The following KIAA1586 variants were observed in gnomAD, a reference collection of about 807,000 sequenced individuals.
KIAA1586 encodes the protein KIAA1586.
KIAA1586 carries 5 observed loss-of-function variants against 6.1 expected under a neutral mutation model. That is an observed-to-expected ratio of 0.82 (90% CI 0.43 to 1.73). The LOEUF (loss-of-function observed/expected upper bound fraction) is 1.73, where lower values mean the gene tolerates loss of function less well. Among genes scored for constraint, KIAA1586 ranks in the 40% most tolerant of loss-of-function variants. KIAA1586 has a pLI of 0.02. For missense variants in KIAA1586, 899 were observed against 878.2 expected (o/e 1.02, Z -0.30); for synonymous variants, 280 against 301.7 (o/e 0.93, Z 0.75).
the KIAA1586 span, among the ~76,000 whole-genome samples, chr6:57,061,466 C>G: frequency 6.6e-6 from 1 of 152,022 alleles, no homozygotes; most frequent in Non-Finnish European, 1.5e-5. Flanking sequence ...AGTCATGGCT[C>G]ACTGCAGCAT....
chr6:57,061,013 C>T, the KIAA1586 span, among the ~76,000 whole-genome samples: 141 of 150,198 alleles, frequency 9.4e-4, no homozygotes, highest in Admixed American at 9.4e-3. Context: ...AGTCTTCGCT[C>T]TGTCACCAGG....
At chr6:57,065,666 T>C in the KIAA1586 span, among the ~76,000 whole-genome samples, 1 of 152,162 alleles carries the variant, frequency 6.6e-6, no homozygotes, top group Non-Finnish European at 1.5e-5. Context: ...TTTTATTTTT[T>C]GCTAGAGACG....
At position 57,054,629 on chromosome 6, in the gene KIAA1586, T is replaced by C. The variant is rs1363706604; in HGVS notation, c.2130T>C (p.Gly710=). The change falls in exon 4 of 4, where the codon GGT becomes GGC. Residue 710 remains glycine (G), a synonymous_variant. Transcript: ENST00000370733. ...IAINSAEAER[G]FNLMNIICTR... Reference sequence around the variant, plus strand: ...TCAATAGTGCTGAAGCTGAAAGGGGTTTCAATTTAATGAACATAATTTGTA... The same window carrying C: ...TCAATAGTGCTGAAGCTGAAAGGGGCTTCAATTTAATGAACATAATTTGTA... 6.3e-7 allele frequency: 1 copy of C among 1,589,684 alleles called. No individual in the cohort carries two copies. Among genetic ancestry groups the C allele is most frequent in the Non-Finnish European group, 8.6e-7 (1 of 1,165,308 alleles).
the KIAA1586 span, among the ~76,000 whole-genome samples, chr6:57,063,795 T>C: frequency 6.6e-6 from 1 of 152,210 alleles, no homozygotes; most frequent in Admixed American, 6.5e-5. Context: ...TATTAACAAT[T>C]TTTATTTTTA....
chr6:57,060,376 C>T, the KIAA1586 span, among the ~76,000 whole-genome samples: 2 of 152,172 alleles, frequency 1.3e-5, no homozygotes, highest in Non-Finnish European at 2.9e-5. Flanking sequence ...TTATATTTCA[C>T]TGGCCAGAAC....
intron 3 of KIAA1586, among the ~76,000 whole-genome samples, chr6:57,051,336 TAA>T (rs1828320323): frequency 1.3e-5 from 2 of 151,686 alleles, no homozygotes; most frequent in African/African-American, 4.9e-5. Flanking sequence ...CACAAGTACA[TAA>T]ATGATCATAT....
In KIAA1586 at chr6:57,050,678, C is replaced by G. The variant is rs1407285071; in HGVS notation, c.106-96C>G. The G allele has an allele frequency of 6.0e-6, 5 of 828,756 alleles. No individual in the cohort carries two copies. The African/African-American group carries it at 8.7e-5, about 14-fold the overall frequency. The allele number at this position is 828,756 out of a possible 1,614,324, so 51.3% of individuals were successfully genotyped here. A position where few individuals can be genotyped will look rare whatever the true frequency, so the allele number is the denominator to read the frequency against. On this transcript the variant is annotated intron_variant, in intron 2 of 3. Transcript: ENST00000370733. ...TGCAAGATTTTCTCGAGAATCTTTC[C>G]CAATTCCAACTAAAAAAATCTCCCA...
chr6:57,058,793 TAAG>T (rs996491840), downstream of KIAA1586, among the ~76,000 whole-genome samples: 28 of 152,286 alleles, frequency 1.8e-4, no homozygotes, highest in African/African-American at 6.5e-4. Flanking sequence ...CTGTAAAAAA[TAAG>T]AAAAAATTTT....
chr6:57,050,936 G>C, intron 3 of KIAA1586, 82 bp downstream of exon 3: 1 of 1,049,320 alleles, frequency 9.5e-7, no homozygotes, highest in South Asian at 1.3e-5. Context: ...TGGATCATAA[G>C]AACTAATTGT....
chr6:57,066,289 A>G, the KIAA1586 span, among the ~76,000 whole-genome samples: 3 of 152,148 alleles, frequency 2.0e-5, no homozygotes, highest in South Asian at 6.2e-4. Context: ...AAAAAAGGAA[A>G]AAAATTCAAA....
rs749646420 is a variant in KIAA1586, at chr6:57,054,264, GA to G, written c.1766del (p.Asp589ValfsTer19). 1 of 1,586,592 alleles carries G rather than the reference GA, an allele frequency of 6.3e-7. No homozygotes were observed. Among genetic ancestry groups the G allele is most frequent in the Non-Finnish European group, 8.6e-7 (1 of 1,168,960 alleles). The stretch of plus-strand genomic sequence containing the variant: ...TTTGATCAAGTCAGATAAGTTTAAA[GA>G]TATTCCATTTAATAAAAACAATAAA... ...EDLIKSDKFK[D>X]IPFNKNNKFN... is the part of the protein sequence containing the mutation. On this transcript the variant is annotated frameshift_variant, in exon 4 of 4. Transcript: ENST00000370733. LOFTEE classifies it low-confidence loss of function (END_TRUNC).
Position 57,051,837 on chromosome 6 carries a change from C to G in KIAA1586, c.187-849C>G, listed in dbSNP as rs1390524284. On this transcript the variant is annotated intron_variant, in intron 3 of 3. Coordinates refer to ENST00000370733, the MANE Select transcript of KIAA1586 (RefSeq NM_020931.4). The stretch of plus-strand genomic sequence containing the variant: ...TAGTCCCAACTAATTAGCCAGGTGT[C>G]GTGGCACGTGCCTGTAATTTCAGCT... Among the ~76,000 whole-genome samples the G allele has an allele frequency of 4.6e-5, 7 of 151,972 alleles. 1 individual carries two copies. Among genetic ancestry groups the G allele is most frequent in the African/African-American group, 1.7e-4 (7 of 41,362 alleles).
At chr6:57,064,781 A>G in the KIAA1586 span, among the ~76,000 whole-genome samples, 1 of 152,140 alleles carries the variant, frequency 6.6e-6, no homozygotes, top group Non-Finnish European at 1.5e-5. Flanking sequence ...TTGTGTGTAT[A>G]TCCCTGTTCT....
chr6:57,052,735 T>A lies in KIAA1586; in HGVS notation c.236T>A (p.Leu79Ter), dbSNP rs761463864. 1.8e-5 allele frequency: 28 copies of A among 1,582,604 alleles called. No homozygotes were observed. The highest frequency in any genetic ancestry group is 1.7e-4 in the Middle Eastern group (1 of 5,898). Residue 79 changes from leucine to a stop codon, truncating the protein, a stop_gained, in exon 4 of 4, where the codon TTA (leucine) becomes TAA (stop). Coordinates refer to ENST00000370733, the MANE Select transcript of KIAA1586 (RefSeq NM_020931.4). LOFTEE classifies it low-confidence loss of function (END_TRUNC). The stretch of plus-strand genomic sequence containing the variant: ...CGACAGGGTGATTTTTTGCATTTTT[T>A]AAATGTGAAGAAGGTGAAAACAGAC... ...PKRQGDFLHF[L>*]NVKKVKTDTE...
chr6:57,049,865 A>C (rs544812631), intron 2 of KIAA1586, among the ~76,000 whole-genome samples: 20 of 152,198 alleles, frequency 1.3e-4, no homozygotes, highest in Non-Finnish European at 1.0e-4. Context: ...GTATATGTAA[A>C]GAAAGGATCA....
chr6:57,063,114 G>A, the KIAA1586 span, among the ~76,000 whole-genome samples: 1 of 152,032 alleles, frequency 6.6e-6, no homozygotes, highest in African/African-American at 2.4e-5. Context: ...TATTTCTGTG[G>A]TTCCTTTTTT....
In KIAA1586 at chr6:57,054,806, G is replaced by A; in HGVS notation, c.2307G>A (p.Arg769=). The A allele has an allele frequency of 6.4e-7, 1 of 1,551,024 alleles. No homozygotes were observed. Among genetic ancestry groups the A allele is most frequent in the Non-Finnish European group, 8.7e-7 (1 of 1,146,612 alleles). Residue 769 remains arginine, a synonymous_variant, in exon 4 of 4, where the codon CGG becomes CGA. Coordinates refer to ENST00000370733, the MANE Select transcript of KIAA1586 (RefSeq NM_020931.4). The part of the protein sequence containing the change: ...NHRLATDTRV[R]QKSTKVFHEN... ...GGTTGGCTACAGATACAAGAGTTCG[G>A]CAAAAGTCAACAAAAGTCTTCCATG...
At chr6:57,060,120 C>T (rs570511136), downstream of KIAA1586, among the ~76,000 whole-genome samples, 2 of 152,236 alleles carry the variant, frequency 1.3e-5, no homozygotes, top group East Asian at 3.9e-4. Flanking sequence ...ACAAGAAAGT[C>T]AAATCACTTA....
the KIAA1586 span, among the ~76,000 whole-genome samples, chr6:57,061,571 T>C: frequency 1.4e-4 from 21 of 151,834 alleles, no homozygotes; most frequent in African/African-American, 5.1e-4. Context: ...TTTTAAATTA[T>C]TTGTAGAGAC....
Sources: allele counts gnomAD v4.1 joint callset (sites outside exome capture counted in the v4.1 genomes callset), GRCh38; gene constraint gnomAD v4.1.1; transcripts MANE v1.5; gene names NCBI Gene and HGNC (gene_info 2026-07-23, HGNC 2026-07-21).